EMID1: variants seen among roughly 807,000 people sequenced by gnomAD.
The protein encoded by EMID1 is EMI domain containing 1, also known as EMI domain-containing protein 1.
Under a neutral mutation model 60.6 loss-of-function variants are expected in EMID1, and 40 were observed. The observed-to-expected ratio is 0.66, with a 90% CI of 0.51 to 0.86. The LOEUF (loss-of-function observed/expected upper bound fraction) is 0.86, where lower values mean the gene tolerates loss of function less well. Among genes scored for constraint, EMID1 ranks in the 40% least tolerant of loss-of-function variants. The pLI is 0.00. For missense variants in EMID1, 585 were observed against 597.1 expected, an observed-to-expected ratio of 0.98 and a Z score of 0.21; for synonymous variants, 242 against 231.0, an observed-to-expected ratio of 1.05 and a Z score of -0.43.
chr22:29,257,131 A>T lies in EMID1; in HGVS notation c.1205-1686A>T, dbSNP rs2041733058. Among the ~76,000 whole-genome samples, 3 of 152,162 alleles carry T rather than the reference A, an allele frequency of 2.0e-5. No individual in the cohort carries two copies. In the South Asian group the frequency reaches 6.2e-4, roughly 32 times the overall value. On this transcript the variant is annotated intron_variant, in intron 14 of 14. Transcript: ENST00000334018. ...CTGACAGCCCAGGGAGAAAAGTGCC[A>T]GACACCTCAGAAGTCCCACACCCAC...
chr22:29,229,643 C>CAAA (rs34973149), intron 5 of EMID1, among the ~76,000 whole-genome samples: 2 of 127,022 alleles, frequency 1.6e-5, no homozygotes, highest in East Asian at 3.0e-4. Context: ...AACTCCACCT[C>CAAA]AAAAAAAAAA....
chr22:29,218,931 G>A (rs561926350), intron 3 of EMID1, among the ~76,000 whole-genome samples: 7 of 152,164 alleles, frequency 4.6e-5, no homozygotes, highest in Non-Finnish European at 8.8e-5. Context: ...CCAGGGTGCC[G>A]ACCTGAGTTC....
intron 1 of EMID1, among the ~76,000 whole-genome samples, chr22:29,213,489 A>AT (rs1368825312): frequency 6.6e-6 from 1 of 152,192 alleles, no homozygotes; most frequent in Non-Finnish European, 1.5e-5. Flanking sequence ...GATGAAGGGA[A>AT]TTCCACAGGG....
intron 1 of EMID1, among the ~76,000 whole-genome samples, chr22:29,212,939 C>T (rs188206186): frequency 3.7e-4 from 57 of 152,276 alleles, no homozygotes; most frequent in African/African-American, 1.3e-3. Flanking sequence ...CAGCTCCTGG[C>T]GTGCAGCAAG....
intron 1 of EMID1, among the ~76,000 whole-genome samples, chr22:29,207,027 A>G (rs773586907): frequency 1.2e-4 from 19 of 152,200 alleles, no homozygotes; most frequent in Non-Finnish European, 2.5e-4. Flanking sequence ...AAGGCAGACA[A>G]TGTGGAGTAG....
chr22:29,242,993 C>A (rs1568998815), intron 12 of EMID1, among the ~76,000 whole-genome samples: 1 of 152,182 alleles, frequency 6.6e-6, no homozygotes, highest in Non-Finnish European at 1.5e-5. Context: ...AATCCAGGGA[C>A]CATCCAAGCG....
At chr22:29,218,177 C>A (rs1238142523) in intron 3 of EMID1, among the ~76,000 whole-genome samples, 1 of 152,266 alleles carries the variant, frequency 6.6e-6, no homozygotes, top group Non-Finnish European at 1.5e-5. Context: ...CCACCGCCTA[C>A]CCCATGCTGG....
At chr22:29,212,352 C>A (rs112706768) in intron 1 of EMID1, among the ~76,000 whole-genome samples, 19 of 151,576 alleles carry the variant, frequency 1.3e-4, no homozygotes, top group Non-Finnish European at 2.8e-4. Context: ...CCAGGCTGGT[C>A]TTGAACTCTT....
chr22:29,245,329 A>T (rs1272787385), intron 13 of EMID1, among the ~76,000 whole-genome samples: 1 of 152,016 alleles, frequency 6.6e-6, no homozygotes, highest in Non-Finnish European at 1.5e-5. Context: ...GAACACATTT[A>T]CCACCCAGTC....
chr22:29,209,754 G>A (rs1354327479), intron 1 of EMID1, among the ~76,000 whole-genome samples: 1 of 152,224 alleles, frequency 6.6e-6, no homozygotes, highest in African/African-American at 2.4e-5. Flanking sequence ...TGGAGCAAGA[G>A]GGAGGGGCTT....
intron 12 of EMID1, among the ~76,000 whole-genome samples, chr22:29,235,744 T>C (rs2040923723): frequency 1.3e-5 from 2 of 151,598 alleles, no homozygotes; most frequent in Non-Finnish European, 2.9e-5. Flanking sequence ...CTAAAATTAA[T>C]TTTCTTTCTA....
At chr22:29,254,143 GC>G (rs2041623350) in intron 13 of EMID1, 59 bp from the exon 14 acceptor site, 1 of 1,609,776 alleles carries the variant, frequency 6.2e-7, no homozygotes, top group Admixed American at 1.7e-5. Flanking sequence ...CCACCGACGG[GC>G]TTTGCAGGGT....
chr22:29,223,310 T>G, intron 3 of EMID1, among the ~76,000 whole-genome samples: 1 of 150,882 alleles, frequency 6.6e-6, no homozygotes, highest in Non-Finnish European at 1.5e-5. Context: ...AACAGCAGAG[T>G]AGAGGGGAGG....
At chr22:29,222,958 G>T (rs868604796) in intron 3 of EMID1, among the ~76,000 whole-genome samples, 4 of 152,148 alleles carry the variant, frequency 2.6e-5, no homozygotes, top group African/African-American at 4.8e-5. Context: ...GGGCATTGTG[G>T]CACGCTCCTG....
chr22:29,231,443 C>A (rs1313184386), intron 6 of EMID1, 150 bp from the exon 7 acceptor site: 1 of 773,828 alleles, frequency 1.3e-6, no homozygotes, highest in South Asian at 1.8e-5. Flanking sequence ...CCTCTGCCTA[C>A]CCCCCCCACC....
chr22:29,232,332 ACCAGGGCCTCCTGGCCCCCCTGGGCCC>A lies in EMID1; in HGVS notation c.758_784del (p.Gly253_Pro261del). The A allele has an allele frequency of 3.1e-6, 5 of 1,609,550 alleles. No homozygotes were observed. The highest frequency in any genetic ancestry group is 2.2e-5 in the South Asian group (2 of 90,906). On this transcript the variant is annotated inframe_deletion, in exon 8 of 15. Transcript: ENST00000334018. ...CTGGAGAGAGGGGACCTCCTGGGCC[ACCAGGGCCTCCTGGCCCCCCTGGGCCC>A]CCAGCCCCTGTTGGGCCACCCCATG...
intron 3 of EMID1, among the ~76,000 whole-genome samples, chr22:29,221,274 C>T (rs1039184400): frequency 2.0e-5 from 3 of 152,014 alleles, no homozygotes; most frequent in Non-Finnish European, 4.4e-5. Flanking sequence ...GTAGGAACCA[C>T]CAGGCTGAGG....
At chr22:29,218,493 A>G (rs1374789711) in intron 3 of EMID1, among the ~76,000 whole-genome samples, 1 of 152,140 alleles carries the variant, frequency 6.6e-6, no homozygotes, top group Non-Finnish European at 1.5e-5. Context: ...TCGGCAGGTG[A>G]GAGCCAGGAT....
chr22:29,214,608 G>A (rs2040014320), intron 1 of EMID1, among the ~76,000 whole-genome samples: 1 of 152,202 alleles, frequency 6.6e-6, no homozygotes, highest in African/African-American at 2.4e-5. Flanking sequence ...ATGGGTCAAA[G>A]TTGGAGAGGA....
Sources: allele counts gnomAD v4.1 joint callset (sites outside exome capture counted in the v4.1 genomes callset), GRCh38; gene constraint gnomAD v4.1.1; transcripts MANE v1.5; gene names NCBI Gene and HGNC (gene_info 2026-07-23, HGNC 2026-07-21).